The following KCNH7 variants were observed in gnomAD, a reference collection of about 807,000 sequenced individuals.
KCNH7 encodes voltage-gated inwardly rectifying potassium channel KCNH7.
In KCNH7, 49 loss-of-function variants were observed where a neutral mutation model predicts 120.8. The ratio of observed to expected loss-of-function variants is 0.41; its 90% CI spans 0.32 to 0.51. KCNH7 has a LOEUF of 0.51. Among genes scored for constraint, KCNH7 ranks in the 20% least tolerant of loss-of-function variants. The probability of loss-of-function intolerance (pLI) is 0.38; values close to 1 mark genes in which losing one functional copy is unlikely to be tolerated. For synonymous variants in KCNH7, 547 were observed against 516.1 expected (o/e 1.06, Z -0.81); for missense variants, 1,097 against 1,446.6 (o/e 0.76, Z 3.92).
chr2:162,724,289 T>A, intron 2 of KCNH7, among the ~76,000 whole-genome samples: 1 of 152,274 alleles, frequency 6.6e-6, no homozygotes, highest in Admixed American at 6.5e-5. Context: ...TTCTATATAT[T>A]TTTTCCTATA....
intron 10 of KCNH7, among the ~76,000 whole-genome samples, chr2:162,399,610 C>T (rs1290821643): frequency 6.6e-6 from 1 of 151,800 alleles, no homozygotes; most frequent in East Asian, 1.9e-4. Context: ...TTCTTTTGCA[C>T]CCAAACCAGT....
At position 162,745,827 on chromosome 2, in the gene KCNH7, A is replaced by T. The variant is rs187741577; in HGVS notation, c.307+90710T>A. ...TATATGTCTTAGATTTTTTTCCTTT[A>T]AAAAAAATCTTTCTGCTTTTTCCCA... On this transcript the variant is annotated intron_variant, in intron 2 of 15. Coordinates refer to ENST00000332142, the MANE Select transcript of KCNH7 (RefSeq NM_033272.4). Among the ~76,000 whole-genome samples the T allele has an allele frequency of 7.5e-3, 1,134 of 151,980 alleles. 11 individuals carry two copies. Among genetic ancestry groups the T allele is most frequent in the African/African-American group, 0.025 (1,052 of 41,506 alleles).
At chr2:162,741,225 T>C (rs1688118239) in intron 2 of KCNH7, among the ~76,000 whole-genome samples, 3 of 144,080 alleles carry the variant, frequency 2.1e-5, no homozygotes, top group Admixed American at 2.1e-4. Context: ...ATGTTATTAG[T>C]TATACATATT....
At chr2:162,764,551 A>G (rs2105457971) in intron 2 of KCNH7, among the ~76,000 whole-genome samples, 1 of 152,294 alleles carries the variant, frequency 6.6e-6, no homozygotes, top group East Asian at 1.9e-4. Flanking sequence ...AAATGTATAG[A>G]ATAGACTTAT....
intron 2 of KCNH7, among the ~76,000 whole-genome samples, chr2:162,817,162 A>G (rs994413838): frequency 2.0e-5 from 3 of 152,126 alleles, no homozygotes; most frequent in South Asian, 2.1e-4. Flanking sequence ...TCAATACCCA[A>G]TCAAGATGTA....
intron 2 of KCNH7, among the ~76,000 whole-genome samples, chr2:162,645,388 C>T (rs1684321990): frequency 6.6e-6 from 1 of 152,096 alleles, no homozygotes; most frequent in Non-Finnish European, 1.5e-5. Context: ...CCTTGTGATC[C>T]ACCTGCTTTG....
chr2:162,708,514 AG>A (rs1244943546), intron 2 of KCNH7, among the ~76,000 whole-genome samples: 8 of 152,048 alleles, frequency 5.3e-5, no homozygotes, highest in Non-Finnish European at 2.9e-5. Flanking sequence ...GGATCAAAGG[AG>A]GGAGAGAGAT....
At chr2:162,609,561 C>A (rs1459953360) in intron 2 of KCNH7, among the ~76,000 whole-genome samples, 1 of 152,040 alleles carries the variant, frequency 6.6e-6, no homozygotes, top group Non-Finnish European at 1.5e-5. Flanking sequence ...ATTGATATTG[C>A]TTTTAGATTT....
intron 4 of KCNH7, 148 bp from the exon 5 acceptor site, chr2:162,512,822 C>G: frequency 1.7e-6 from 1 of 601,114 alleles, no homozygotes; most frequent in East Asian, 2.9e-5. Flanking sequence ...ACATTTTGTA[C>G]TATTCCACCA....
At chr2:162,603,864 C>G (rs1362546139) in intron 2 of KCNH7, among the ~76,000 whole-genome samples, 1 of 151,582 alleles carries the variant, frequency 6.6e-6, no homozygotes, top group Non-Finnish European at 1.5e-5. Flanking sequence ...ACTAGTATTA[C>G]ATTTAAAAAC....
At chr2:162,416,711 A>G (rs75187618) in intron 9 of KCNH7, among the ~76,000 whole-genome samples, 5,581 of 152,200 alleles carry the variant, frequency 0.037, 157 homozygotes, top group Non-Finnish European at 0.055. Context: ...GAAATGATTC[A>G]GCATAGCTCT....
intron 6 of KCNH7, among the ~76,000 whole-genome samples, chr2:162,457,222 A>T (rs1336126662): frequency 6.6e-6 from 1 of 152,172 alleles, no homozygotes; most frequent in Non-Finnish European, 1.5e-5. Context: ...ACACAGTCTT[A>T]CATTTCCTTA....
chr2:162,685,823 C>T (rs1685870967), intron 2 of KCNH7, among the ~76,000 whole-genome samples: 1 of 151,528 alleles, frequency 6.6e-6, no homozygotes. Flanking sequence ...AAGAAAGATA[C>T]ACAACTAAAA....
intron 2 of KCNH7, among the ~76,000 whole-genome samples, chr2:162,724,762 A>G (rs1687459346): frequency 6.6e-6 from 1 of 152,168 alleles, no homozygotes; most frequent in Non-Finnish European, 1.5e-5. Flanking sequence ...ACTGTACTAT[A>G]CCCACCTATT....
At chr2:162,548,770 A>G (rs1020243035) in intron 2 of KCNH7, among the ~76,000 whole-genome samples, 3 of 152,190 alleles carry the variant, frequency 2.0e-5, no homozygotes, top group African/African-American at 4.8e-5. Flanking sequence ...TAATTTCCCT[A>G]TGTGTAAAAT....
At chr2:162,422,337 T>A (rs1441703150) in intron 9 of KCNH7, among the ~76,000 whole-genome samples, 1 of 152,182 alleles carries the variant, frequency 6.6e-6, no homozygotes, top group African/African-American at 2.4e-5. Flanking sequence ...AAGTACCAAT[T>A]TAAATTGTAC....
intron 8 of KCNH7, among the ~76,000 whole-genome samples, chr2:162,434,202 G>A (rs1348155043): frequency 6.6e-6 from 1 of 152,016 alleles, no homozygotes; most frequent in Non-Finnish European, 1.5e-5. Flanking sequence ...ACATAAAGAT[G>A]AGAACAATAG....
intron 2 of KCNH7, among the ~76,000 whole-genome samples, chr2:162,711,327 C>A (rs1686923192): frequency 6.6e-6 from 1 of 152,208 alleles, no homozygotes. Flanking sequence ...CTATTACCAC[C>A]ATTAATCTAT....
intron 9 of KCNH7, among the ~76,000 whole-genome samples, chr2:162,419,385 G>A (rs948058364): frequency 9.3e-5 from 14 of 150,768 alleles, no homozygotes; most frequent in Non-Finnish European, 4.4e-5. Context: ...GGTTAGAATT[G>A]CCATCCTCAA....
Sources: gnomAD v4.1 joint callset for allele counts (sites outside exome capture counted in the v4.1 genomes callset) on GRCh38, gnomAD v4.1.1 for gene constraint, MANE v1.5 for transcripts, NCBI Gene and HGNC (gene_info 2026-07-23, HGNC 2026-07-21) for gene names.